ACOXL: variants seen among roughly 807,000 people sequenced by gnomAD.
ACOXL encodes acyl-CoA oxidase like.
A neutral mutation model predicts 71.9 loss-of-function variants in ACOXL; 70 were observed. That is an observed-to-expected ratio of 0.97 (90% CI 0.80 to 1.19). ACOXL has a LOEUF of 1.19. Among genes scored for constraint, ACOXL ranks in the 50% most tolerant of loss-of-function variants. ACOXL has a pLI of 0.00. For missense variants in ACOXL, 703 were observed against 736.3 expected (o/e 0.95, Z 0.52); for synonymous variants, 253 against 281.6 (o/e 0.90, Z 1.02).
At chr2:110,763,269 T>A (rs1680637599) in intron 1 of ACOXL, among the ~76,000 whole-genome samples, 3 of 152,228 alleles carry the variant, frequency 2.0e-5, no homozygotes, top group Non-Finnish European at 2.9e-5. Flanking sequence ...GGACAGCCAC[T>A]ACTGGCTTCA....
intron 7 of ACOXL, among the ~76,000 whole-genome samples, chr2:110,800,334 C>T (rs1685818325): frequency 6.6e-6 from 1 of 152,154 alleles, no homozygotes; most frequent in South Asian, 2.1e-4. Context: ...TTCATGTTAA[C>T]CTGGTGTTCT....
In ACOXL at chr2:111,117,898, CG is replaced by C; in HGVS notation, c.*87del. On this transcript the variant is annotated 3_prime_UTR_variant, in exon 18 of 18. Transcript: ENST00000439055. ...CGACGCCCAGAGCTGTGGCCGAGGC[CG>C]GGGGCTGGCACCCGCTGGGCCGCCA... The C allele has an allele frequency of 7.0e-7, 1 of 1,428,322 alleles. No homozygotes were observed. The highest frequency in any genetic ancestry group is 1.4e-5 in the South Asian group (1 of 72,028). 88.5% of individuals were successfully genotyped at this position (1,428,322 alleles called of 1,614,324 possible).
chr2:110,785,536 C>G (rs1172608528), intron 3 of ACOXL, among the ~76,000 whole-genome samples: 2 of 152,040 alleles, frequency 1.3e-5, no homozygotes, highest in African/African-American at 4.8e-5. Flanking sequence ...CACCCCTGTC[C>G]TTTGGCAAGC....
chr2:110,812,029 A>C (rs1426277984), intron 9 of ACOXL, among the ~76,000 whole-genome samples: 1 of 152,138 alleles, frequency 6.6e-6, no homozygotes, highest in Non-Finnish European at 1.5e-5. Flanking sequence ...TCTTGTCATC[A>C]GTTTATTTAG....
At chr2:110,774,069 A>C (rs889424528) in intron 2 of ACOXL, among the ~76,000 whole-genome samples, 9 of 152,202 alleles carry the variant, frequency 5.9e-5, no homozygotes, top group Admixed American at 5.2e-4. Flanking sequence ...CTAAGCCTTC[A>C]TTATTACTCG....
chr2:110,770,098 C>T (rs1681701617), intron 2 of ACOXL, among the ~76,000 whole-genome samples: 1 of 152,116 alleles, frequency 6.6e-6, no homozygotes, highest in East Asian at 1.9e-4. Flanking sequence ...CTGAGACCCC[C>T]TAAGGGAGGA....
chr2:110,973,372 G>A (rs899023086), intron 12 of ACOXL, among the ~76,000 whole-genome samples: 2 of 152,164 alleles, frequency 1.3e-5, no homozygotes, highest in Non-Finnish European at 2.9e-5. Flanking sequence ...GGTATAGGAG[G>A]TGGGGCCTTT....
intron 12 of ACOXL, chr2:110,968,036 G>C: frequency 8.2e-6 from 9 of 1,094,112 alleles, no homozygotes; most frequent in Non-Finnish European, 1.2e-5. Flanking sequence ...GCTTATGCCC[G>C]TATAGAGGGG....
intron 12 of ACOXL, among the ~76,000 whole-genome samples, chr2:110,983,200 T>C (rs1220076010): frequency 6.6e-6 from 1 of 152,240 alleles, no homozygotes; most frequent in Non-Finnish European, 1.5e-5. Context: ...CTTGTTAGGC[T>C]CTTTAATCCA....
chr2:111,099,513 C>T (rs1348742477), intron 17 of ACOXL: 3 of 152,222 alleles, frequency 2.0e-5, no homozygotes, highest in Non-Finnish European at 2.9e-5. Context: ...TAGTGTCTCC[C>T]TAGCTGGGGA....
At chr2:110,914,166 TA>T (rs945923117) in intron 11 of ACOXL, among the ~76,000 whole-genome samples, 1 of 152,078 alleles carries the variant, frequency 6.6e-6, no homozygotes, top group African/African-American at 2.4e-5. Context: ...ATATGTCTAA[TA>T]AAGCTGTTGA....
chr2:111,014,705 G>T (rs1216796031), intron 14 of ACOXL, among the ~76,000 whole-genome samples: 1 of 152,214 alleles, frequency 6.6e-6, no homozygotes, highest in Middle Eastern at 3.2e-3. Context: ...TAGAGGGATT[G>T]TACTACCTGA....
intron 10 of ACOXL, among the ~76,000 whole-genome samples, chr2:110,847,634 T>C (rs1480984357): frequency 1.3e-5 from 2 of 152,252 alleles, no homozygotes; most frequent in Admixed American, 1.3e-4. Flanking sequence ...GACTTCTTTC[T>C]ATTGGCTTCT....
chr2:111,002,546 A>T (rs1391197073), intron 14 of ACOXL, among the ~76,000 whole-genome samples: 2 of 152,168 alleles, frequency 1.3e-5, no homozygotes, highest in Non-Finnish European at 2.9e-5. Context: ...AATATCCTTA[A>T]CAGTATGGCT....
chr2:110,958,907 G>A (rs938460656), intron 12 of ACOXL, among the ~76,000 whole-genome samples: 6 of 152,220 alleles, frequency 3.9e-5, no homozygotes, highest in African/African-American at 1.4e-4. Context: ...TCCCTGTAGA[G>A]CAGTCCCCCT....
At chr2:111,003,143 T>A (rs551706123) in intron 14 of ACOXL, among the ~76,000 whole-genome samples, 218 of 152,286 alleles carry the variant, frequency 1.4e-3, no homozygotes, top group Non-Finnish European at 2.5e-3. Flanking sequence ...TTTTCCTGTG[T>A]GTATTTTCTG....
chr2:110,754,057 T>A, intron 1 of ACOXL, among the ~76,000 whole-genome samples: 1 of 150,152 alleles, frequency 6.7e-6, no homozygotes, highest in African/African-American at 2.5e-5. Flanking sequence ...TGTGTGTGTG[T>A]GTAGTTCTGT....
intron 12 of ACOXL, among the ~76,000 whole-genome samples, chr2:110,947,500 T>C (rs185674913): frequency 6.6e-6 from 1 of 152,276 alleles, no homozygotes; most frequent in Admixed American, 6.5e-5. Flanking sequence ...AGTTTCCTTC[T>C]CTCTTAAGGC....
chr2:111,054,886 A>G (rs560820289), intron 16 of ACOXL, among the ~76,000 whole-genome samples: 2 of 152,250 alleles, frequency 1.3e-5, no homozygotes, highest in African/African-American at 4.8e-5. Flanking sequence ...TTTTCACAAG[A>G]AAAACAATGC....
Sources: gnomAD v4.1 joint callset for allele counts (sites outside exome capture counted in the v4.1 genomes callset) on GRCh38, gnomAD v4.1.1 for gene constraint, MANE v1.5 for transcripts, NCBI Gene and HGNC (gene_info 2026-07-23, HGNC 2026-07-21) for gene names.